The following DLGAP2 variants were observed in gnomAD, a reference collection of about 807,000 sequenced individuals.
DLGAP2 encodes disks large-associated protein 2.
DLGAP2 carries 26 observed loss-of-function variants against 100.3 expected under a neutral mutation model. The ratio of observed to expected loss-of-function variants is 0.26; its 90% confidence interval spans 0.19 to 0.36. DLGAP2 has a LOEUF of 0.36. Ranked by LOEUF, DLGAP2 falls within the 10% of genes least tolerant of loss-of-function variation. DLGAP2 has a pLI of 1.00. For missense variants in DLGAP2, 1,858 were observed against 1,453.2 expected, an observed-to-expected ratio of 1.28 and a Z score of -4.53; for synonymous variants, 886 against 630.1, an observed-to-expected ratio of 1.41 and a Z score of -6.08.
rs370260485 is a variant in DLGAP2 at position 1,632,837 on chromosome 8, C to T, written c.1601C>T (p.Ala534Val). Residue 534 changes from alanine to valine, a missense_variant, in exon 8 of 15, where the codon GCG becomes GTG. By Grantham distance (64) the Ala-to-Val change is moderately conservative. Transcript: ENST00000637795. ...QASCVSQVSE[A>V]EINGQFESVC... ...TGTTGATGATTGCAGGTGAGCGAGG[C>T]GGAGATCAATGGGCAATTCGAGTCC... 3.0e-5 allele frequency: 49 copies of T among 1,608,698 alleles called. No homozygotes were observed. Among genetic ancestry groups the T allele is most frequent in the African/African-American group, 2.7e-4 (20 of 74,960 alleles).
chr8:1,520,552 T>C (rs1164441182), intron 4 of DLGAP2, among the ~76,000 whole-genome samples: 2 of 152,128 alleles, frequency 1.3e-5, no homozygotes, highest in Non-Finnish European at 2.9e-5. Context: ...CAGAGCAGTT[T>C]CCTTGCCCTA....
chr8:763,830 A>G (rs1821146280), intron 1 of DLGAP2, among the ~76,000 whole-genome samples: 1 of 152,268 alleles, frequency 6.6e-6, no homozygotes, highest in Non-Finnish European at 1.5e-5. Flanking sequence ...ACGATGAAAT[A>G]GAAAATCCTT....
At chr8:959,347 C>G (rs560299538) in intron 2 of DLGAP2, among the ~76,000 whole-genome samples, 2 of 152,302 alleles carry the variant, frequency 1.3e-5, no homozygotes, top group East Asian at 3.9e-4. Flanking sequence ...GCTCCACTGT[C>G]ACGGATGAGC....
chr8:1,416,905 G>C (rs1796901647), intron 3 of DLGAP2, among the ~76,000 whole-genome samples: 1 of 152,144 alleles, frequency 6.6e-6, no homozygotes, highest in Non-Finnish European at 1.5e-5. Context: ...TCTCAGACTT[G>C]CAAAGAATGC....
chr8:1,407,971 G>A (rs548510448), intron 3 of DLGAP2, among the ~76,000 whole-genome samples: 1 of 152,216 alleles, frequency 6.6e-6, no homozygotes, highest in East Asian at 1.9e-4. Flanking sequence ...GTTGGGGTGG[G>A]CTGTCCTGCA....
intron 8 of DLGAP2, among the ~76,000 whole-genome samples, chr8:1,640,757 G>C (rs181037525): frequency 3.0e-4 from 46 of 152,302 alleles, no homozygotes; most frequent in African/African-American, 9.4e-4. Context: ...ACAGGTGGAA[G>C]TCTCACGTGG....
At chr8:1,310,299 T>A (rs937672452) in intron 3 of DLGAP2, among the ~76,000 whole-genome samples, 2 of 152,078 alleles carry the variant, frequency 1.3e-5, no homozygotes, top group Non-Finnish European at 2.9e-5. Flanking sequence ...GACAGAAGGG[T>A]CAATTCAACA....
chr8:1,374,318 TG>T (rs1283115231), intron 3 of DLGAP2, among the ~76,000 whole-genome samples: 1 of 152,144 alleles, frequency 6.6e-6, no homozygotes, highest in Non-Finnish European at 1.5e-5. Context: ...TGCCCCACGG[TG>T]GTCCCATGCA....
intron 1 of DLGAP2, among the ~76,000 whole-genome samples, chr8:830,237 T>A (rs569803343): frequency 7.2e-5 from 11 of 152,334 alleles, no homozygotes; most frequent in Admixed American, 6.5e-4. Context: ...GCATGCAATG[T>A]GTAATAATCA....
chr8:1,097,560 G>T (rs1804422790), intron 2 of DLGAP2, among the ~76,000 whole-genome samples: 1 of 138,858 alleles, frequency 7.2e-6, no homozygotes, highest in Non-Finnish European at 1.5e-5. Context: ...GAGTGGAGCT[G>T]GGAGCCCGGG....
intron 2 of DLGAP2, among the ~76,000 whole-genome samples, chr8:913,650 A>G (rs1798534200): frequency 6.6e-6 from 1 of 152,230 alleles, no homozygotes; most frequent in Admixed American, 6.5e-5. Flanking sequence ...CTAGTCCTGT[A>G]ACTTTGCTGT....
chr8:895,010 G>GC (rs1798117196), intron 1 of DLGAP2, among the ~76,000 whole-genome samples: 1 of 143,198 alleles, frequency 7.0e-6, no homozygotes, highest in African/African-American at 2.6e-5. Flanking sequence ...GGCTGGCAGG[G>GC]CAGGGTGGGG....
intron 6 of DLGAP2, among the ~76,000 whole-genome samples, chr8:1,574,233 C>T (rs554227482): frequency 2.6e-5 from 4 of 152,308 alleles, no homozygotes; most frequent in Non-Finnish European, 5.9e-5. Flanking sequence ...GAAACAGGTT[C>T]TGCGTCACCA....
At chr8:1,413,649 T>C (rs1796795311) in intron 3 of DLGAP2, among the ~76,000 whole-genome samples, 1 of 152,178 alleles carries the variant, frequency 6.6e-6, no homozygotes. Flanking sequence ...GGAATGAAAA[T>C]CTCAGTAATC....
intron 3 of DLGAP2, among the ~76,000 whole-genome samples, chr8:1,370,252 C>T (rs544104698): frequency 1.1e-3 from 172 of 152,272 alleles, no homozygotes; most frequent in Admixed American, 2.4e-3. Flanking sequence ...TGATGTCCCA[C>T]GGTGCCTGGC....
chr8:1,391,089 AAAG>A (rs1796340776), intron 3 of DLGAP2, among the ~76,000 whole-genome samples: 1 of 152,352 alleles, frequency 6.6e-6, no homozygotes, highest in East Asian at 1.9e-4. Flanking sequence ...AAGTCAGAAG[AAAG>A]AAGACGTTCC....
intron 3 of DLGAP2, among the ~76,000 whole-genome samples, chr8:1,288,860 T>C (rs534422111): frequency 6.6e-6 from 1 of 152,292 alleles, no homozygotes; most frequent in East Asian, 1.9e-4. Context: ...TATTACACAG[T>C]GTTCATTCCT....
At chr8:1,372,340 G>A (rs1002742812) in intron 3 of DLGAP2, among the ~76,000 whole-genome samples, 2 of 152,320 alleles carry the variant, frequency 1.3e-5, no homozygotes, top group East Asian at 1.9e-4. Flanking sequence ...CTAGGACACT[G>A]TTTAATGTGC....
intron 1 of DLGAP2, chr8:738,574 C>T (rs969461937): frequency 2.0e-5 from 3 of 152,278 alleles, no homozygotes; most frequent in African/African-American, 7.2e-5. Context: ...GGCTCCTTCG[C>T]TAACGATTGC....
Sources: gnomAD v4.1 joint callset for allele counts (sites outside exome capture counted in the v4.1 genomes callset) on GRCh38, gnomAD v4.1.1 for gene constraint, MANE v1.5 for transcripts, NCBI Gene and HGNC (gene_info 2026-07-23, HGNC 2026-07-21) for gene names.